EIPR1: variants seen among roughly 807,000 people sequenced by gnomAD.
EIPR1 encodes the protein EARP complex and GARP complex interacting protein 1.
In EIPR1, 25 loss-of-function variants were observed where a neutral mutation model predicts 48.1. That is an observed-to-expected ratio of 0.52 (90% CI 0.38 to 0.73). The LOEUF is 0.73. Among genes scored for constraint, EIPR1 ranks in the 30% least tolerant of loss-of-function variants. The pLI, the probability that EIPR1 is intolerant of heterozygous loss-of-function variation, is 0.00. For synonymous variants in EIPR1, 204 were observed against 201.9 expected, an observed-to-expected ratio of 1.01 and a Z score of -0.09; for missense variants, 415 against 506.2, an observed-to-expected ratio of 0.82 and a Z score of 1.73.
chr2:3,288,656 G>A (rs1668278151), intron 3 of EIPR1, among the ~76,000 whole-genome samples: 1 of 152,328 alleles, frequency 6.6e-6, no homozygotes, highest in East Asian at 1.9e-4. Context: ...GGTGGCAGCT[G>A]CTGGACTTTG....
At chr2:3,365,995 C>T (rs9710688) in intron 1 of EIPR1, among the ~76,000 whole-genome samples, 24,617 of 68,708 alleles carry the variant, frequency 0.36, 2,233 homozygotes, top group Non-Finnish European at 0.5. Flanking sequence ...GGCCAGCCAC[C>T]CCGTCCGAGA....
intron 3 of EIPR1, among the ~76,000 whole-genome samples, chr2:3,260,801 A>C (rs1667311488): frequency 6.6e-6 from 1 of 152,220 alleles, no homozygotes. Flanking sequence ...AAGGAGGCAA[A>C]GTGAAACCAT....
intron 3 of EIPR1, among the ~76,000 whole-genome samples, chr2:3,277,356 A>G (rs547477955): frequency 3.3e-5 from 5 of 152,344 alleles, no homozygotes; most frequent in African/African-American, 1.2e-4. Flanking sequence ...ACGGTAGAGG[A>G]CATTTCTGGG....
rs142204199 is a variant in EIPR1 at position 3,355,208 on chromosome 2, T to C, written c.43-575A>G. Among the ~76,000 whole-genome samples, 52 of 152,300 alleles carry C rather than the reference T, an allele frequency of 3.4e-4. No homozygotes were observed. The East Asian group carries it at 9.7e-3, about 28-fold the overall frequency. On this transcript the variant is annotated intron_variant, in intron 1 of 8. Coordinates refer to ENST00000382125, the MANE Select transcript of EIPR1 (RefSeq NM_003310.5). ...CTGCCAGTCTGGAAAGCCTGGCTGA[T>C]AGGCTGATGCTGACGAGAGCTTTGA...
At chr2:3,362,648 T>C (rs1439633402) in intron 1 of EIPR1, among the ~76,000 whole-genome samples, 2 of 103,182 alleles carry the variant, frequency 1.9e-5, no homozygotes, top group African/African-American at 6.5e-5. Context: ...AGACTCTGTC[T>C]CAAAAAAAAA....
At chr2:3,250,467 A>T (rs1023519732) in intron 4 of EIPR1, among the ~76,000 whole-genome samples, 3 of 152,148 alleles carry the variant, frequency 2.0e-5, no homozygotes. Context: ...TACAGCCCAT[A>T]CCTTGAGTCT....
chr2:3,373,048 C>T (rs1212739899), intron 1 of EIPR1, among the ~76,000 whole-genome samples: 1 of 152,232 alleles, frequency 6.6e-6, no homozygotes, highest in African/African-American at 2.4e-5. Flanking sequence ...AAGCGGGCTT[C>T]ATCCCTGGGA....
chr2:3,189,398 C>T lies in EIPR1; in HGVS notation c.1100G>A (p.Ser367Asn). 1.2e-6 allele frequency: 2 copies of T among 1,603,902 alleles called. No individual in the cohort carries two copies. Among genetic ancestry groups the T allele is most frequent in the Non-Finnish European group, 8.5e-7 (1 of 1,174,976 alleles). Residue 367 changes from serine (S) to asparagine (N), a missense_variant, in exon 9 of 9, where the codon AGC becomes AAC. Coordinates refer to ENST00000382125, the MANE Select transcript of EIPR1 (RefSeq NM_003310.5). The surrounding 1 kb of genome is among the most constrained non-coding windows in gnomAD (Gnocchi z 4.6). The stretch of plus-strand genomic sequence containing the variant: ...GTTGATCACGAGCCTCCCGTCATAG[C>T]TCAGGGAGGCAAACAGCCACGGGTC... ...SADPWLFASL[S>N]YDGRLVINRV...
intron 3 of EIPR1, among the ~76,000 whole-genome samples, chr2:3,263,531 G>A (rs567244723): frequency 6.6e-6 from 1 of 152,328 alleles, no homozygotes; most frequent in Admixed American, 6.5e-5. Flanking sequence ...CCACAGAACT[G>A]CACTATACAA....
In EIPR1 at chr2:3,189,016, AAG is replaced by A; in HGVS notation, c.*316_*317del. On this transcript the variant is annotated 3_prime_UTR_variant, in exon 9 of 9. Coordinates refer to ENST00000382125, the MANE Select transcript of EIPR1 (RefSeq NM_003310.5). This position sits in a 1 kb window ranked among gnomAD's most constrained non-coding sequence, Gnocchi z 4.6. ...TTCATTTTTTACTCTCAAGAGAAAGAAGAGTTACTATTGCAGGAACAGACATT... is the reference window on the plus strand; with the variant it reads ...TTCATTTTTTACTCTCAAGAGAAAGAAGTTACTATTGCAGGAACAGACATT... The A allele has an allele frequency of 4.3e-6, 1 of 232,062 alleles. No individual in the cohort carries two copies. The highest frequency in any genetic ancestry group is 8.3e-6 in the Non-Finnish European group (1 of 120,502). 14.4% of individuals were successfully genotyped at this position (232,062 alleles called of 1,614,324 possible). A position where few individuals can be genotyped will look rare whatever the true frequency, so the allele number is the denominator to read the frequency against.
chr2:3,335,275 C>T (rs7422746), intron 3 of EIPR1, among the ~76,000 whole-genome samples: 3 of 152,214 alleles, frequency 2.0e-5, no homozygotes, highest in African/African-American at 4.8e-5. Context: ...CTATGGAAGC[C>T]GGGGCCGCAG....
In EIPR1 at chr2:3,276,990, G is replaced by A. The variant is rs895999081; in HGVS notation, c.260-19535C>T. Among the ~76,000 whole-genome samples, 27 of 152,224 alleles carry A rather than the reference G, an allele frequency of 1.8e-4. 3 individuals carry two copies. On this transcript the variant is annotated intron_variant, in intron 3 of 8. Coordinates refer to ENST00000382125, the MANE Select transcript of EIPR1 (RefSeq NM_003310.5). The stretch of plus-strand genomic sequence containing the variant: ...CACCAGGGAGCAAACCTGTTTGTCA[G>A]TTACGGGTACTGTGTAATCCAATAC...
Position 3,313,751 on chromosome 2 carries a change from T to C in EIPR1, c.259+24266A>G, listed in dbSNP as rs189977342. On this transcript the variant is annotated intron_variant, in intron 3 of 8. Transcript: ENST00000382125. ...TGTTTGGATCTGGGTTTCAGAAAAG[T>C]CACTGTAGGAGTCAAACTGTCTTTG... 1.4e-3 allele frequency among the ~76,000 whole-genome samples: 208 copies of C among 152,260 alleles called. 2 individuals carry two copies. Among genetic ancestry groups the C allele is most frequent in the African/African-American group, 4.7e-3 (195 of 41,528 alleles).
chr2:3,235,403 CAT>C (rs199784780), intron 4 of EIPR1, among the ~76,000 whole-genome samples: 2,763 of 151,368 alleles, frequency 0.018, 77 homozygotes, highest in East Asian at 0.1. Context: ...GAAACACAAA[CAT>C]GTGTGCATGC....
At chr2:3,376,244 G>GT (rs1558327552) in intron 1 of EIPR1, among the ~76,000 whole-genome samples, 1 of 152,212 alleles carries the variant, frequency 6.6e-6, no homozygotes, top group Non-Finnish European at 1.5e-5. Flanking sequence ...CAGCCATGAG[G>GT]TGGGGGGGAG....
chr2:3,200,210 T>C (rs372146646), intron 5 of EIPR1, among the ~76,000 whole-genome samples: 243 of 152,232 alleles, frequency 1.6e-3, no homozygotes, highest in African/African-American at 5.6e-3. Flanking sequence ...CCCAAGCGGA[T>C]GGCTGCCGAT....
intron 2 of EIPR1, among the ~76,000 whole-genome samples, chr2:3,346,415 C>T (rs1670405156): frequency 6.6e-6 from 1 of 152,228 alleles, no homozygotes; most frequent in Non-Finnish European, 1.5e-5. Flanking sequence ...ACAAGGTTTA[C>T]TTGTGAAAAG....
intron 4 of EIPR1, among the ~76,000 whole-genome samples, chr2:3,255,802 C>T (rs1336158042): frequency 6.9e-6 from 1 of 145,188 alleles, no homozygotes; most frequent in African/African-American, 2.6e-5. Flanking sequence ...CGTGTACACA[C>T]ATTAACACAT....
At chr2:3,275,263 C>CTTT (rs1667813725) in intron 3 of EIPR1, among the ~76,000 whole-genome samples, 1 of 149,830 alleles carries the variant, frequency 6.7e-6, no homozygotes, top group African/African-American at 2.5e-5. Flanking sequence ...TTAATATTTG[C>CTTT]CAAAATAGAT....
Sources: gnomAD v4.1 joint callset for allele counts (sites outside exome capture counted in the v4.1 genomes callset) on GRCh38, gnomAD v4.1.1 for gene constraint, Gnocchi (gnomAD v3.1) non-coding constraint, MANE v1.5 for transcripts, NCBI Gene and HGNC (gene_info 2026-07-23, HGNC 2026-07-21) for gene names.